TBL1XR1: variants seen among roughly 807,000 people sequenced by gnomAD.
The protein encoded by TBL1XR1 is F-box-like/WD repeat-containing protein TBL1XR1.
TBL1XR1 carries 5 observed loss-of-function variants against 66.9 expected under a neutral mutation model. The ratio of observed to expected loss-of-function variants is 0.07; its 90% CI spans 0.04 to 0.16. The LOEUF is 0.16. Ranked by LOEUF, TBL1XR1 falls within the 10% of genes least tolerant of loss-of-function variation. The pLI, the probability that TBL1XR1 is intolerant of heterozygous loss-of-function variation, is 1.00. For synonymous variants in TBL1XR1, 210 were observed against 206.0 expected, an observed-to-expected ratio of 1.02 and a Z score of -0.17; for missense variants, 238 against 623.2, an observed-to-expected ratio of 0.38 and a Z score of 6.58.
intron 1 of TBL1XR1, among the ~76,000 whole-genome samples, chr3:177,127,051 TTTGA>T (rs752338232): frequency 2.9e-4 from 44 of 152,306 alleles, no homozygotes; most frequent in Non-Finnish European, 5.1e-4. Context: ...AATACAAAAG[TTTGA>T]TTGTTTTAAA....
At chr3:177,028,483 A>T (rs1713468785) in intron 14 of TBL1XR1, among the ~76,000 whole-genome samples, 1 of 152,212 alleles carries the variant, frequency 6.6e-6, no homozygotes, top group African/African-American at 2.4e-5. Context: ...TGTGAGCAAC[A>T]ACTAGTATAT....
chr3:177,045,565 T>A (rs1716217298), intron 10 of TBL1XR1, among the ~76,000 whole-genome samples: 1 of 152,132 alleles, frequency 6.6e-6, no homozygotes, highest in Admixed American at 6.6e-5. Flanking sequence ...GAAATCCATC[T>A]AAGCCACCAA....
At chr3:177,038,228 A>C in intron 11 of TBL1XR1, 56 bp from the exon 12 acceptor site, 1 of 1,602,184 alleles carries the variant, frequency 6.2e-7, no homozygotes, top group Non-Finnish European at 8.5e-7. Context: ...TAGCTACTTG[A>C]ATATTAAACA....
chr3:177,105,680 T>C (rs942007877), intron 1 of TBL1XR1, among the ~76,000 whole-genome samples: 2 of 152,166 alleles, frequency 1.3e-5, no homozygotes, highest in Admixed American at 6.6e-5. Context: ...TGCCCCAGAT[T>C]AGAACCTAAC....
intron 1 of TBL1XR1, among the ~76,000 whole-genome samples, chr3:177,127,690 C>G (rs999630213): frequency 6.6e-6 from 1 of 152,096 alleles, no homozygotes; most frequent in Non-Finnish European, 1.5e-5. Context: ...TTAGAAGAGA[C>G]AAGGAAGAAT....
At chr3:177,132,260 C>T (rs1162425104) in intron 1 of TBL1XR1, among the ~76,000 whole-genome samples, 1 of 152,160 alleles carries the variant, frequency 6.6e-6, no homozygotes, top group Non-Finnish European at 1.5e-5. Flanking sequence ...TATGGGATCC[C>T]TGGTTCCAAG....
At chr3:177,110,284 T>A (rs922475610) in intron 1 of TBL1XR1, among the ~76,000 whole-genome samples, 1 of 152,174 alleles carries the variant, frequency 6.6e-6, no homozygotes, top group Non-Finnish European at 1.5e-5. Flanking sequence ...CCAAGACACA[T>A]GATACAGAAA....
At chr3:177,137,610 C>T (rs952205401) in intron 1 of TBL1XR1, among the ~76,000 whole-genome samples, 2 of 152,184 alleles carry the variant, frequency 1.3e-5, no homozygotes, top group Admixed American at 6.5e-5. Context: ...TCAAGGCAGA[C>T]AAATGTATCT....
chr3:177,159,749 G>A (rs1320132743), intron 1 of TBL1XR1, among the ~76,000 whole-genome samples: 2 of 152,170 alleles, frequency 1.3e-5, no homozygotes, highest in East Asian at 1.9e-4. Flanking sequence ...TGTCCCTGCT[G>A]CCACCTGATG....
At chr3:177,103,180 G>C (rs558006608) in intron 1 of TBL1XR1, among the ~76,000 whole-genome samples, 86 of 152,228 alleles carry the variant, frequency 5.6e-4, no homozygotes, top group Admixed American at 1.8e-3. Context: ...GAGAGAACCT[G>C]GTTATATACC....
At chr3:177,068,903 T>A (rs1467480950) in intron 2 of TBL1XR1, among the ~76,000 whole-genome samples, 1 of 152,248 alleles carries the variant, frequency 6.6e-6, no homozygotes. Context: ...TAAAGTCAAA[T>A]GTGTAATCGA....
At chr3:177,197,873 C>G (rs1315609553), upstream of TBL1XR1, among the ~76,000 whole-genome samples, 2 of 147,980 alleles carry the variant, frequency 1.4e-5, no homozygotes, top group African/African-American at 4.9e-5. Flanking sequence ...CGCCGCGGGC[C>G]GGCCTGGGTG....
chr3:177,118,965 A>G (rs1044680032), intron 1 of TBL1XR1, among the ~76,000 whole-genome samples: 1 of 152,038 alleles, frequency 6.6e-6, no homozygotes, highest in African/African-American at 2.4e-5. Context: ...CTGGATAATC[A>G]GGTTTTTTTT....
At chr3:177,104,080 C>A (rs1724562618) in intron 1 of TBL1XR1, among the ~76,000 whole-genome samples, 1 of 146,166 alleles carries the variant, frequency 6.8e-6, no homozygotes, top group African/African-American at 2.5e-5. Context: ...CACATCACTG[C>A]ATTCCAGCCT....
intron 1 of TBL1XR1, among the ~76,000 whole-genome samples, chr3:177,148,056 C>G (rs1303800674): frequency 6.6e-6 from 1 of 152,210 alleles, no homozygotes; most frequent in African/African-American, 2.4e-5. Context: ...AACAACCTTA[C>G]TTATTCTGGC....
intron 1 of TBL1XR1, among the ~76,000 whole-genome samples, chr3:177,117,992 A>C (rs201058309): frequency 1.3e-5 from 2 of 152,216 alleles, no homozygotes; most frequent in East Asian, 3.9e-4. Context: ...AAGAAATCAG[A>C]AACCAGGAAT....
intron 1 of TBL1XR1, among the ~76,000 whole-genome samples, chr3:177,138,793 T>A (rs963677151): frequency 6.6e-6 from 1 of 151,226 alleles, no homozygotes; most frequent in Non-Finnish European, 1.5e-5. Context: ...ACCATTTGAG[T>A]GAAATATACC....
At chr3:177,126,956 A>C (rs1407312367) in intron 1 of TBL1XR1, among the ~76,000 whole-genome samples, 3 of 152,212 alleles carry the variant, frequency 2.0e-5, no homozygotes, top group African/African-American at 7.2e-5. Flanking sequence ...TTAGAATGGC[A>C]GTTTTAGCAA....
rs143647731 is a variant in TBL1XR1, at chr3:177,020,172, G to A, written c.*5326C>T. On this transcript the variant is annotated 3_prime_UTR_variant, in exon 16 of 16. Coordinates refer to ENST00000457928, the MANE Select transcript of TBL1XR1 (RefSeq NM_024665.7). The stretch of plus-strand genomic sequence containing the variant: ...TGTTGTGAAGCAAAAAAAGGTCACC[G>A]AGAAGTTGAGCCTCCTGCCCTAATC... 4.6e-5 allele frequency: 7 copies of A among 151,830 alleles called. No individual in the cohort carries two copies. In the East Asian group the frequency reaches 7.7e-4, roughly 17 times the overall value. 9.4% of individuals were successfully genotyped at this position (151,830 alleles called of 1,614,324 possible).
Sources: gnomAD v4.1 joint callset for allele counts (sites outside exome capture counted in the v4.1 genomes callset) on GRCh38, gnomAD v4.1.1 for gene constraint, MANE v1.5 for transcripts, NCBI Gene and HGNC (gene_info 2026-07-23, HGNC 2026-07-21) for gene names.